The following ZFYVE16 variants were observed in gnomAD, a reference collection of about 807,000 sequenced individuals.
The protein encoded by ZFYVE16 is zinc finger FYVE-type containing 16.
ZFYVE16 carries 89 observed loss-of-function variants against 138.1 expected under a neutral mutation model. That is an observed-to-expected ratio of 0.64 (90% CI 0.54 to 0.77). The LOEUF is 0.77. ZFYVE16 is among the 30% of genes least tolerant of loss of function. ZFYVE16 has a pLI of 0.00. For missense variants in ZFYVE16, 1,793 were observed against 1,786.7 expected, an observed-to-expected ratio of 1.00 and a Z score of -0.06; for synonymous variants, 596 against 618.3, an observed-to-expected ratio of 0.96 and a Z score of 0.53.
chr5:80,454,907 AG>A (rs773575157), intron 11 of ZFYVE16: 3 of 152,216 alleles, frequency 2.0e-5, no homozygotes, highest in Non-Finnish European at 2.9e-5. Context: ...ATGCCTTAAA[AG>A]TCTTTAGTTC....
Position 80,482,003 on chromosome 5 carries a change from T to A in ZFYVE16, c.*4626T>A, listed in dbSNP as rs1303701258. On this transcript the variant is annotated 3_prime_UTR_variant, in exon 19 of 19. Coordinates refer to ENST00000505560, the MANE Select transcript of ZFYVE16 (RefSeq NM_001284236.3). ...CCTAGATAATTTTTTGTATTTTTAA[T>A]AGAGACAGAGTTTCACCACGTTGGC... Among the ~76,000 whole-genome samples the A allele has an allele frequency of 6.6e-6, 1 of 152,154 alleles. No individual in the cohort carries two copies. The highest frequency in any genetic ancestry group is 6.5e-5 in the Admixed American group (1 of 15,272).
At chr5:80,466,506 T>C (rs936280795) in intron 15 of ZFYVE16, among the ~76,000 whole-genome samples, 1 of 152,218 alleles carries the variant, frequency 6.6e-6, no homozygotes, top group African/African-American at 2.4e-5. Context: ...TCTCATACTT[T>C]GATTCTTTAG....
In ZFYVE16 at chr5:80,450,334, G is replaced by A. The variant is rs373105946; in HGVS notation, c.3227-97G>A. On this transcript the variant is annotated intron_variant, in intron 9 of 18. Coordinates refer to ENST00000505560, the MANE Select transcript of ZFYVE16 (RefSeq NM_001284236.3). ...CATAAGGAGAACTTTGGGAACACAA[G>A]GAATTTGAAAAGTTATGTTAAATGC... 34 of 1,232,734 alleles carry A rather than the reference G, an allele frequency of 2.8e-5. 1 individual carries two copies. In the African/African-American group the frequency reaches 4.2e-4, roughly 15 times the overall value. 76.4% of individuals were successfully genotyped at this position (1,232,734 alleles called of 1,614,324 possible).
intron 15 of ZFYVE16, among the ~76,000 whole-genome samples, chr5:80,465,439 C>A (rs1376681588): frequency 2.9e-5 from 1 of 33,912 alleles, no homozygotes; most frequent in Non-Finnish European, 6.6e-5. Context: ...CAGGATTTAG[C>A]TTTGTCACCC....
At chr5:80,443,831 AAG>A (rs1400806025) in intron 6 of ZFYVE16, 1 of 456,286 alleles carries the variant, frequency 2.2e-6, no homozygotes, top group Non-Finnish European at 4.4e-6. Flanking sequence ...AGCCAGTAAC[AAG>A]AGAGTCTGGG....
chr5:80,440,890 T>G, intron 5 of ZFYVE16: 1 of 985,372 alleles, frequency 1.0e-6, no homozygotes, highest in Non-Finnish European at 1.2e-6. Flanking sequence ...GTTTTTCTCT[T>G]TTGAATGAAG....
At chr5:80,469,991 CT>C (rs1026177253) in intron 15 of ZFYVE16, among the ~76,000 whole-genome samples, 1 of 143,298 alleles carries the variant, frequency 7.0e-6, no homozygotes, top group African/African-American at 2.6e-5. Context: ...AATGCGTTTC[CT>C]TTATGTCTTT....
Position 80,438,286 on chromosome 5 carries a change from A to G in ZFYVE16, c.1601A>G (p.Asp534Gly). The G allele has an allele frequency of 1.2e-6, 2 of 1,614,114 alleles. No individual in the cohort carries two copies. The highest frequency in any genetic ancestry group is 1.7e-6 in the Non-Finnish European group (2 of 1,179,974). ...SGPLISDAEL[D>G]AFLTEQYLQT... ...CCACTAATTAGTGATGCTGAACTTG[A>G]TGCCTTTCTGACAGAACAGTATCTT... Residue 534 changes from aspartate to glycine, a missense_variant, in exon 4 of 19, where the codon GAT (aspartate) becomes GGT (glycine). Physicochemically the swap from Asp to Gly is moderately conservative, Grantham distance 94. Transcript: ENST00000505560.
At chr5:80,417,135 A>G (rs1456785874) in intron 1 of ZFYVE16, among the ~76,000 whole-genome samples, 1 of 152,212 alleles carries the variant, frequency 6.6e-6, no homozygotes. Flanking sequence ...GTTCAATTTC[A>G]GTATACAGAT....
intron 15 of ZFYVE16, among the ~76,000 whole-genome samples, chr5:80,467,786 G>A (rs1439834884): frequency 2.0e-5 from 3 of 152,032 alleles, no homozygotes; most frequent in Non-Finnish European, 2.9e-5. Context: ...TGTCCCTAAG[G>A]AAACAAAGAC....
intron 2 of ZFYVE16, among the ~76,000 whole-genome samples, chr5:80,433,247 C>T (rs1749357335): frequency 6.6e-6 from 1 of 152,166 alleles, no homozygotes; most frequent in East Asian, 1.9e-4. Flanking sequence ...CCATGGAATA[C>T]TATGCAGCCA....
intron 2 of ZFYVE16, among the ~76,000 whole-genome samples, chr5:80,428,785 T>C (rs1008798610): frequency 2.6e-5 from 4 of 152,200 alleles, no homozygotes; most frequent in African/African-American, 9.7e-5. Context: ...CTGAGAACCA[T>C]GGCATGAGAA....
rs777031309 is a variant in ZFYVE16 at position 80,438,532 on chromosome 5, C to G, written c.1847C>G (p.Thr616Ser). The G allele has an allele frequency of 4.3e-6, 7 of 1,613,828 alleles. No individual in the cohort carries two copies. Among genetic ancestry groups the G allele is most frequent in the Non-Finnish European group, 5.9e-6 (7 of 1,179,942 alleles). ...ENGLSLGEKSTIPVQQGLPTS... is the reference protein window; with the variant it reads ...ENGLSLGEKSSIPVQQGLPTS... ...GGCCTTTCTTTAGGAGAAAAAAGCA[C>G]TATTCCAGTTCAACAAGGGTTACCT... is the stretch of plus-strand genomic sequence containing the variant. The change falls in exon 4 of 19, where the codon ACT becomes AGT. Residue 616 changes from threonine to serine, a missense_variant. Physicochemically the swap from Thr to Ser is moderately conservative, Grantham distance 58. Around this residue, in one of 2 missense-constraint regions of ZFYVE16, gnomAD observed 1,295 missense variants for 1,204.3 expected, o/e 1.08. Coordinates refer to ENST00000505560, the MANE Select transcript of ZFYVE16 (RefSeq NM_001284236.3).
At chr5:80,413,077 G>A (rs185322719) in intron 1 of ZFYVE16, among the ~76,000 whole-genome samples, 7 of 152,318 alleles carry the variant, frequency 4.6e-5, no homozygotes, top group Non-Finnish European at 8.8e-5. Flanking sequence ...TTGGAAGGCT[G>A]AGGTGGGAGG....
intron 16 of ZFYVE16, 96 bp from the exon 17 acceptor site, chr5:80,473,658 A>C (rs1388098947): frequency 1.3e-6 from 1 of 773,562 alleles, no homozygotes; most frequent in Non-Finnish European, 2.0e-6. Context: ...ATCTTCTTTT[A>C]TATTTTTTCC....
rs1401497484 is a variant in ZFYVE16, at chr5:80,482,888, T to C, written c.*5511T>C. On this transcript the variant is annotated 3_prime_UTR_variant, in exon 19 of 19. Coordinates refer to ENST00000505560, the MANE Select transcript of ZFYVE16 (RefSeq NM_001284236.3). ...CTTTACTTTTTTTTTTTTTATGAGA[T>C]GGAGTCTCACTCTGTTGCCCAGGCT... is the stretch of plus-strand genomic sequence containing the variant. 2 of 151,604 alleles carry C rather than the reference T, an allele frequency of 1.3e-5. No homozygotes were observed. Among genetic ancestry groups the C allele is most frequent in the African/African-American group, 4.8e-5 (2 of 41,276 alleles). The allele number at this position is 151,604 out of a possible 1,614,324, so 9.4% of individuals were successfully genotyped here.
At chr5:80,427,791 A>G (rs1278792702) in intron 2 of ZFYVE16, among the ~76,000 whole-genome samples, 3 of 150,554 alleles carry the variant, frequency 2.0e-5, no homozygotes, top group Non-Finnish European at 4.4e-5. Context: ...CAAAATGGTG[A>G]AACCCCCACT....
intron 15 of ZFYVE16, among the ~76,000 whole-genome samples, 162 bp downstream of exon 15, chr5:80,459,656 C>T (rs1290460499): frequency 6.6e-6 from 1 of 152,212 alleles, no homozygotes; most frequent in African/African-American, 2.4e-5. Flanking sequence ...AGACTTATCT[C>T]TCTCTTCTGC....
Position 80,437,486 on chromosome 5 carries a change from G to A in ZFYVE16, c.801G>A (p.Gln267=). Residue 267 remains glutamine, a synonymous_variant, in exon 4 of 19, where the codon CAG becomes CAA. Transcript: ENST00000505560. ...AAGACAAGCTACAACACAAGAGCCA[G>A]CCATGTGGATTACTAAAAGATGTTG... is the stretch of plus-strand genomic sequence containing the variant. ...HAKDKLQHKS[Q]PCGLLKDVGL... The A allele has an allele frequency of 1.2e-6, 2 of 1,611,110 alleles. No individual in the cohort carries two copies. The highest frequency in any genetic ancestry group is 1.7e-6 in the Non-Finnish European group (2 of 1,179,046).
Sources: allele counts gnomAD v4.1 joint callset (sites outside exome capture counted in the v4.1 genomes callset), GRCh38; gene constraint gnomAD v4.1.1; regional missense constraint gnomAD v4.1.1; transcripts MANE v1.5; gene names NCBI Gene and HGNC (gene_info 2026-07-23, HGNC 2026-07-21).